The following DPP10 variants were observed in gnomAD, a reference collection of about 807,000 sequenced individuals.
The protein encoded by DPP10 is inactive dipeptidyl peptidase 10.
Under a neutral mutation model 120.9 loss-of-function variants are expected in DPP10, and 33 were observed. The observed-to-expected ratio is 0.27, with a 90% CI of 0.21 to 0.37. The LOEUF (loss-of-function observed/expected upper bound fraction) is 0.37. DPP10 is among the 10% of genes least tolerant of loss of function. The pLI, the probability that DPP10 is intolerant of heterozygous loss-of-function variation, is 1.00. For missense variants in DPP10, 816 were observed against 942.8 expected, an observed-to-expected ratio of 0.87 and a Z score of 1.76; for synonymous variants, 337 against 326.1, an observed-to-expected ratio of 1.03 and a Z score of -0.36.
At chr2:115,504,626 G>A (rs2076852476) in intron 4 of DPP10, among the ~76,000 whole-genome samples, 1 of 152,200 alleles carries the variant, frequency 6.6e-6, no homozygotes, top group Non-Finnish European at 1.5e-5. Context: ...AAAATAGGAT[G>A]TAACATTGAT....
chr2:114,925,527 C>T (rs11123259), intron 1 of DPP10, among the ~76,000 whole-genome samples: 34,566 of 152,054 alleles, frequency 0.23, 4,019 homozygotes, highest in East Asian at 0.35. Context: ...GCTTATCTCG[C>T]ACTTTCTGTA....
chr2:114,803,680 A>G (rs542895479), intron 1 of DPP10, among the ~76,000 whole-genome samples: 1 of 152,308 alleles, frequency 6.6e-6, no homozygotes, highest in East Asian at 1.9e-4. Flanking sequence ...AACTTGAGAA[A>G]GATGATTTAG....
At chr2:115,795,088 C>G (rs980175164) in intron 19 of DPP10, among the ~76,000 whole-genome samples, 3 of 152,138 alleles carry the variant, frequency 2.0e-5, no homozygotes, top group Non-Finnish European at 4.4e-5. Context: ...GGAAAATGCC[C>G]TGCACTTGCA....
intron 5 of DPP10, among the ~76,000 whole-genome samples, chr2:115,564,948 A>G (rs1324143094): frequency 2.6e-5 from 4 of 152,140 alleles, no homozygotes; most frequent in Non-Finnish European, 4.4e-5. Flanking sequence ...TTCAAATGCT[A>G]AAGGCATTTT....
intron 5 of DPP10, among the ~76,000 whole-genome samples, chr2:115,569,829 T>C (rs563648140): frequency 2.8e-3 from 421 of 152,352 alleles, no homozygotes; most frequent in African/African-American, 9.3e-3. Context: ...TTATCCTTTA[T>C]TATTGTTAAG....
intron 3 of DPP10, among the ~76,000 whole-genome samples, chr2:115,450,864 A>G (rs983180523): frequency 4.0e-5 from 6 of 151,898 alleles, no homozygotes; most frequent in South Asian, 2.1e-4. Context: ...GTTAGATTTT[A>G]TTTGTTATGA....
chr2:114,751,826 C>T (rs568714676), intron 1 of DPP10, among the ~76,000 whole-genome samples: 1 of 152,186 alleles, frequency 6.6e-6, no homozygotes. Flanking sequence ...TCTCCTGCCC[C>T]GTGATTTGGC....
intron 21 of DPP10, among the ~76,000 whole-genome samples, chr2:115,829,180 T>G (rs1029169596): frequency 6.6e-6 from 1 of 152,162 alleles, no homozygotes; most frequent in African/African-American, 2.4e-5. Flanking sequence ...TTTCTCTTTA[T>G]TTATCTGAGT....
chr2:114,798,568 AT>A (rs1683911243), intron 1 of DPP10, among the ~76,000 whole-genome samples: 1 of 152,136 alleles, frequency 6.6e-6, no homozygotes, highest in Non-Finnish European at 1.5e-5. Flanking sequence ...ACATCTTATG[AT>A]TGCATCTGCA....
chr2:114,599,540 T>G (rs975299500), intron 1 of DPP10, among the ~76,000 whole-genome samples: 1 of 151,876 alleles, frequency 6.6e-6, no homozygotes, highest in Non-Finnish European at 1.5e-5. Context: ...CCCTGTGGTT[T>G]GGGGCACTGA....
At position 114,739,374 on chromosome 2, in the gene DPP10, A is replaced by G. The variant is rs186141275; in HGVS notation, c.60+296536A>G. 3.6e-3 allele frequency among the ~76,000 whole-genome samples: 547 copies of G among 152,242 alleles called. 4 individuals are homozygous for G. The highest frequency in any genetic ancestry group is 0.013 in the African/African-American group (528 of 41,556). On this transcript the variant is annotated intron_variant, in intron 1 of 25. Transcript: ENST00000410059. ...AAGGTCAATTTCTGATGTAGAATCT[A>G]TGTTCTTGGAACGGTGGCTCACACC...
At chr2:114,821,700 C>T (rs1039772161) in intron 1 of DPP10, among the ~76,000 whole-genome samples, 10 of 152,130 alleles carry the variant, frequency 6.6e-5, no homozygotes, top group Non-Finnish European at 1.3e-4. Context: ...TAAATACATC[C>T]TTTCCAAATG....
chr2:114,647,974 T>A (rs1696266995), intron 1 of DPP10, among the ~76,000 whole-genome samples: 1 of 152,172 alleles, frequency 6.6e-6, no homozygotes, highest in Non-Finnish European at 1.5e-5. Flanking sequence ...TTCCAAGGAA[T>A]ATTTGTTTAA....
At chr2:115,427,873 T>C (rs1490225515) in intron 3 of DPP10, among the ~76,000 whole-genome samples, 1 of 152,230 alleles carries the variant, frequency 6.6e-6, no homozygotes, top group Non-Finnish European at 1.5e-5. Flanking sequence ...CTTTTAAATA[T>C]AACTTCCAAA....
chr2:114,588,361 G>C (rs75913690), intron 1 of DPP10, among the ~76,000 whole-genome samples: 1 of 152,186 alleles, frequency 6.6e-6, no homozygotes, highest in Non-Finnish European at 1.5e-5. Context: ...CAACATTTAC[G>C]AATGTTCATG....
intron 1 of DPP10, among the ~76,000 whole-genome samples, chr2:115,302,449 C>T (rs1485574145): frequency 6.6e-6 from 1 of 151,752 alleles, no homozygotes; most frequent in Non-Finnish European, 1.5e-5. Context: ...CATCTCTACA[C>T]AAAATATATA....
At chr2:114,833,310 A>G (rs1687306907) in intron 1 of DPP10, 1 of 151,786 alleles carries the variant, frequency 6.6e-6, no homozygotes, top group Non-Finnish European at 1.5e-5. Context: ...TGATCAAGCA[A>G]AAAAATGTAC....
At chr2:114,483,747 C>T (rs376997082) in intron 1 of DPP10, among the ~76,000 whole-genome samples, 3 of 152,096 alleles carry the variant, frequency 2.0e-5, no homozygotes, top group Admixed American at 1.3e-4. Context: ...AACTGGAGGA[C>T]CTCGCTCAGG....
At chr2:115,378,030 A>G (rs1298906964) in intron 3 of DPP10, among the ~76,000 whole-genome samples, 2 of 151,912 alleles carry the variant, frequency 1.3e-5, no homozygotes, top group African/African-American at 4.8e-5. Flanking sequence ...TGACTTGGCG[A>G]TGCGGGCTGT....
Sources: gnomAD v4.1 joint callset for allele counts (sites outside exome capture counted in the v4.1 genomes callset) on GRCh38, gnomAD v4.1.1 for gene constraint, MANE v1.5 for transcripts, NCBI Gene and HGNC (gene_info 2026-07-23, HGNC 2026-07-21) for gene names.